ZNF423: variants seen among roughly 807,000 people sequenced by gnomAD.
ZNF423 encodes Ebf-associated zinc finger protein.
Under a neutral mutation model 95.8 loss-of-function variants are expected in ZNF423, and 12 were observed. That is an observed-to-expected ratio of 0.13 (90% CI 0.08 to 0.20). The LOEUF (loss-of-function observed/expected upper bound fraction) is 0.20, where lower values mean the gene tolerates loss of function less well. Ranked by LOEUF, ZNF423 falls within the 10% of genes least tolerant of loss-of-function variation. The pLI, the probability that ZNF423 is intolerant of heterozygous loss-of-function variation, is 1.00. For missense variants in ZNF423, 1,316 were observed against 1,737.1 expected (o/e 0.76, Z 4.31); for synonymous variants, 749 against 711.9 (o/e 1.05, Z -0.83).
At chr16:49,831,665 G>A (rs2035062304) in intron 1 of ZNF423, among the ~76,000 whole-genome samples, 1 of 152,186 alleles carries the variant, frequency 6.6e-6, no homozygotes, top group Non-Finnish European at 1.5e-5. Context: ...GGGACACCCA[G>A]ACTACAGGGA....
intron 3 of ZNF423, among the ~76,000 whole-genome samples, chr16:49,650,823 T>C (rs1973373446): frequency 6.6e-6 from 1 of 152,196 alleles, no homozygotes. Context: ...AACCCAGGGC[T>C]CTTAGCCAGC....
chr16:49,530,787 G>A (rs1228821758), intron 5 of ZNF423, among the ~76,000 whole-genome samples: 6 of 152,168 alleles, frequency 3.9e-5, no homozygotes, highest in Non-Finnish European at 5.9e-5. Flanking sequence ...AGGAAGGGAC[G>A]CTTAGAGAGG....
intron 2 of ZNF423, among the ~76,000 whole-genome samples, chr16:49,747,929 C>T (rs1156749574): frequency 6.6e-6 from 1 of 152,208 alleles, no homozygotes; most frequent in Non-Finnish European, 1.5e-5. Context: ...GAGCCTAGCC[C>T]TGGTTAGGGG....
chr16:49,535,324 A>C (rs1240953085), intron 5 of ZNF423, among the ~76,000 whole-genome samples: 1 of 152,192 alleles, frequency 6.6e-6, no homozygotes, highest in Non-Finnish European at 1.5e-5. Flanking sequence ...CCTGCTTGCT[A>C]ACTTCCTATG....
chr16:49,647,980 A>C (rs1973242655), intron 3 of ZNF423, among the ~76,000 whole-genome samples: 1 of 152,212 alleles, frequency 6.6e-6, no homozygotes, highest in African/African-American at 2.4e-5. Context: ...GATTTATTTA[A>C]AAGCCTAGGT....
chr16:49,830,908 G>A (rs375477558), intron 1 of ZNF423, among the ~76,000 whole-genome samples: 18 of 152,204 alleles, frequency 1.2e-4, no homozygotes, highest in Admixed American at 7.8e-4. Flanking sequence ...CTTGCAGCTC[G>A]AAGCATCCCA....
At chr16:49,727,903 A>G (rs1201804573) in intron 3 of ZNF423, among the ~76,000 whole-genome samples, 2 of 152,224 alleles carry the variant, frequency 1.3e-5, no homozygotes, top group African/African-American at 4.8e-5. Flanking sequence ...CAGCAGACCC[A>G]TCAGCCTGGC....
intron 1 of ZNF423, among the ~76,000 whole-genome samples, chr16:49,819,249 C>CAAA (rs34167954): frequency 0.013 from 972 of 72,572 alleles, 44 homozygotes; most frequent in African/African-American, 0.047. Flanking sequence ...GATTCCGTCT[C>CAAA]AAAAAAAAAA....
At chr16:49,779,262 C>T (rs1303253726) in intron 2 of ZNF423, among the ~76,000 whole-genome samples, 1 of 151,756 alleles carries the variant, frequency 6.6e-6, no homozygotes, top group East Asian at 2.0e-4. Context: ...TAGAACCAAG[C>T]AGAGGGCAGC....
chr16:49,603,248 C>A lies in ZNF423; in HGVS notation c.3601+22922G>T, dbSNP rs1183731416. ...CTAGAGTTGTGCAGTAGACAACCTG[C>A]ACAACCATATCCTGCAGGCCTGTGT... On this transcript the variant is annotated intron_variant, in intron 5 of 7. Transcript: ENST00000563137. This position sits in a 1 kb window ranked among gnomAD's most constrained non-coding sequence, Gnocchi z 4.1. 3.3e-5 allele frequency among the ~76,000 whole-genome samples: 5 copies of A among 152,284 alleles called. No homozygotes were observed. Among genetic ancestry groups the A allele is most frequent in the Non-Finnish European group, 7.4e-5 (5 of 68,018 alleles).
chr16:49,708,814 G>A (rs2032445862), intron 3 of ZNF423, among the ~76,000 whole-genome samples: 1 of 152,188 alleles, frequency 6.6e-6, no homozygotes, highest in South Asian at 2.1e-4. Flanking sequence ...CAGCTCCACA[G>A]TGAGGACAAT....
chr16:49,677,292 A>AGAAGAGAAGGGAAGGGAAGGGAAGG (rs2031125338), intron 3 of ZNF423, among the ~76,000 whole-genome samples: 3 of 81,056 alleles, frequency 3.7e-5, no homozygotes, highest in Admixed American at 1.3e-4. Context: ...AGAAGAGAAG[A>AGAAGAGAAGGGAAGGGAAGGGAAGG]GAAGAGAAGA....
intron 1 of ZNF423, among the ~76,000 whole-genome samples, chr16:49,848,243 T>A (rs2035266279): frequency 6.6e-6 from 1 of 152,142 alleles, no homozygotes; most frequent in Admixed American, 6.5e-5. Context: ...CTGCAGGACC[T>A]GGGCCCAGGA....
chr16:49,573,651 A>G (rs1440168809), intron 5 of ZNF423, among the ~76,000 whole-genome samples: 6 of 152,106 alleles, frequency 3.9e-5, no homozygotes. Flanking sequence ...TTACCTCCCA[A>G]AGGCCCCACC....
At chr16:49,627,955 C>A (rs984056803) in intron 4 of ZNF423, among the ~76,000 whole-genome samples, 1 of 150,726 alleles carries the variant, frequency 6.6e-6, no homozygotes, top group Non-Finnish European at 1.5e-5. Context: ...CCTCCATCTA[C>A]CCATCCATCC....
Position 49,492,011 on chromosome 16 carries a change from G to A in ZNF423, c.3850-707C>T, listed in dbSNP as rs1294138726. Reference sequence around the variant, plus strand: ...GGCCGAATGCACCTAGGAATCCAGGGCCCAGGTGGGACCCTGTGGCCAAAT... The same window carrying A: ...GGCCGAATGCACCTAGGAATCCAGGACCCAGGTGGGACCCTGTGGCCAAAT... On this transcript the variant is annotated intron_variant, in intron 7 of 7. Coordinates refer to ENST00000563137, the MANE Select transcript of ZNF423 (RefSeq NM_001379286.1). This position sits in a 1 kb window ranked among gnomAD's most constrained non-coding sequence, Gnocchi z 4.2. Among the ~76,000 whole-genome samples the A allele has an allele frequency of 1.3e-5, 2 of 152,200 alleles. No individual in the cohort carries two copies. The highest frequency in any genetic ancestry group is 2.9e-5 in the Non-Finnish European group (2 of 68,032).
At chr16:49,814,435 C>T (rs561976747) in intron 1 of ZNF423, among the ~76,000 whole-genome samples, 8 of 151,340 alleles carry the variant, frequency 5.3e-5, no homozygotes, top group East Asian at 2.0e-4. Context: ...GGGACAGGAT[C>T]GGAGGGCAAG....
At chr16:49,677,277 A>AGAAGAGAAGAGAAGGGAAGGGAAGG (rs2031116516) in intron 3 of ZNF423, among the ~76,000 whole-genome samples, 3 of 77,544 alleles carry the variant, frequency 3.9e-5, no homozygotes, top group Admixed American at 1.4e-4. Context: ...AGAAGAGAAG[A>AGAAGAGAAGAGAAGGGAAGGGAAGG]GAAGAGAAGA....
intron 5 of ZNF423, among the ~76,000 whole-genome samples, chr16:49,543,544 C>A (rs1038327886): frequency 6.6e-6 from 1 of 152,218 alleles, no homozygotes; most frequent in Non-Finnish European, 1.5e-5. Flanking sequence ...CCCTCCAGTG[C>A]GGGCTGGGTC....
Sources: gnomAD v4.1 joint callset for allele counts (sites outside exome capture counted in the v4.1 genomes callset) on GRCh38, gnomAD v4.1.1 for gene constraint, Gnocchi (gnomAD v3.1) non-coding constraint, MANE v1.5 for transcripts, NCBI Gene and HGNC (gene_info 2026-07-23, HGNC 2026-07-21) for gene names.